Variants in LRRTM4 observed in about 807,000 individuals in gnomAD.
The protein encoded by LRRTM4 is leucine-rich repeat transmembrane neuronal protein 4.
LRRTM4 carries 25 observed loss-of-function variants against 47.6 expected under a neutral mutation model. The observed-to-expected ratio is 0.53, with a 90% CI of 0.38 to 0.73. The LOEUF (loss-of-function observed/expected upper bound fraction) is 0.73, where lower values mean the gene tolerates loss of function less well. Ranked by LOEUF, LRRTM4 falls within the 30% of genes least tolerant of loss-of-function variation. LRRTM4 has a pLI of 0.00. For missense variants in LRRTM4, 638 were observed against 713.4 expected, an observed-to-expected ratio of 0.89 and a Z score of 1.20; for synonymous variants, 311 against 269.5, an observed-to-expected ratio of 1.15 and a Z score of -1.51.
At chr2:77,468,946 A>C (rs551584131) in intron 3 of LRRTM4, among the ~76,000 whole-genome samples, 42 of 152,304 alleles carry the variant, frequency 2.8e-4, no homozygotes, top group African/African-American at 9.1e-4. Context: ...ACCTAATATG[A>C]TGTCCGTTTT....
intron 3 of LRRTM4, among the ~76,000 whole-genome samples, chr2:77,416,257 T>C (rs557082333): frequency 2.6e-5 from 4 of 152,212 alleles, no homozygotes; most frequent in South Asian, 4.1e-4. Context: ...CAGTAACTAA[T>C]AAACATTCAC....
chr2:77,209,067 C>T (rs1300242760), intron 3 of LRRTM4, among the ~76,000 whole-genome samples: 1 of 152,144 alleles, frequency 6.6e-6, no homozygotes, highest in Non-Finnish European at 1.5e-5. Flanking sequence ...GCTGTCCTAT[C>T]ACCAGCGCTC....
chr2:77,111,016 GAC>G (rs1381674898), intron 3 of LRRTM4, among the ~76,000 whole-genome samples: 1 of 152,166 alleles, frequency 6.6e-6, no homozygotes, highest in East Asian at 1.9e-4. Flanking sequence ...TGAGTTAGAA[GAC>G]ACAAAATTTA....
At chr2:76,779,793 A>G (rs1007056839) in intron 3 of LRRTM4, among the ~76,000 whole-genome samples, 1 of 152,096 alleles carries the variant, frequency 6.6e-6, no homozygotes, top group African/African-American at 2.4e-5. Flanking sequence ...TGTGAATTTG[A>G]TCTTATCATT....
chr2:77,043,720 A>G (rs1289906799), intron 3 of LRRTM4, among the ~76,000 whole-genome samples: 1 of 151,792 alleles, frequency 6.6e-6, no homozygotes, highest in African/African-American at 2.4e-5. Context: ...AATCGGGACT[A>G]GTCTAATAAT....
chr2:76,832,889 G>A (rs1400845), intron 3 of LRRTM4, among the ~76,000 whole-genome samples: 4 of 151,860 alleles, frequency 2.6e-5, no homozygotes, highest in Non-Finnish European at 5.9e-5. Context: ...ATGCTGACTC[G>A]TGTAACCCAG....
At chr2:76,755,989 A>C (rs961296997) in intron 3 of LRRTM4, among the ~76,000 whole-genome samples, 1 of 152,130 alleles carries the variant, frequency 6.6e-6, no homozygotes, top group Non-Finnish European at 1.5e-5. Flanking sequence ...TAATGTTAAA[A>C]AAGCTATCAT....
intron 3 of LRRTM4, among the ~76,000 whole-genome samples, chr2:77,469,453 T>A (rs1455793885): frequency 1.3e-5 from 2 of 152,030 alleles, no homozygotes; most frequent in Non-Finnish European, 2.9e-5. Flanking sequence ...AAAAATAAGC[T>A]CGCTGCTAAC....
chr2:76,965,608 T>A (rs1439998692), intron 3 of LRRTM4, among the ~76,000 whole-genome samples: 11 of 150,932 alleles, frequency 7.3e-5, no homozygotes, highest in African/African-American at 2.7e-4. Flanking sequence ...GTTTACAGGT[T>A]AAAAAAAACA....
At chr2:76,910,311 A>G (rs938364800) in intron 3 of LRRTM4, among the ~76,000 whole-genome samples, 2 of 133,328 alleles carry the variant, frequency 1.5e-5, no homozygotes, top group South Asian at 2.6e-4. Flanking sequence ...ACACATGGAC[A>G]CAGGAAGGGG....
At chr2:76,965,641 G>T (rs915969877) in intron 3 of LRRTM4, among the ~76,000 whole-genome samples, 2 of 151,232 alleles carry the variant, frequency 1.3e-5, no homozygotes, top group Non-Finnish European at 3.0e-5. Context: ...GACTTAGCCT[G>T]ATTTTAGCTG....
intron 3 of LRRTM4, among the ~76,000 whole-genome samples, chr2:76,812,798 C>CCTCCTCCTCTCCCTCCCCCCA (rs1558670824): frequency 3.0e-3 from 248 of 82,830 alleles, no homozygotes; most frequent in Non-Finnish European, 4.0e-3. Context: ...CCCTCCCCCC[C>CCTCCTCCTCTCCCTCCCCCCA]CTCCTCCTCC....
chr2:77,392,842 A>G (rs1673555856), intron 3 of LRRTM4, among the ~76,000 whole-genome samples: 1 of 152,074 alleles, frequency 6.6e-6, no homozygotes, highest in Non-Finnish European at 1.5e-5. Flanking sequence ...AGTACATTGT[A>G]TTGAAAACTG....
intron 3 of LRRTM4, among the ~76,000 whole-genome samples, chr2:77,056,619 A>C (rs544271805): frequency 2.6e-5 from 4 of 152,338 alleles, no homozygotes; most frequent in African/African-American, 4.8e-5. Context: ...TAGTACAGTA[A>C]AAGATGTGAA....
intron 3 of LRRTM4, among the ~76,000 whole-genome samples, chr2:77,087,908 T>C (rs1038603164): frequency 1.3e-5 from 2 of 152,184 alleles, no homozygotes; most frequent in African/African-American, 2.4e-5. Context: ...TGCAAATATA[T>C]GTCTTTGCCA....
chr2:77,095,349 C>T (rs1417486403), intron 3 of LRRTM4, among the ~76,000 whole-genome samples: 1 of 152,020 alleles, frequency 6.6e-6, no homozygotes, highest in Non-Finnish European at 1.5e-5. Flanking sequence ...TATGCAGGCT[C>T]CTCAAAACAC....
In LRRTM4 at chr2:77,007,800, T is replaced by C. The variant is rs1677713043; in HGVS notation, c.1552-258884A>G. Among the ~76,000 whole-genome samples the C allele has an allele frequency of 2.0e-5, 3 of 152,152 alleles. No homozygotes were observed. The South Asian group carries it at 6.2e-4, about 32-fold the overall frequency. On this transcript the variant is annotated intron_variant, in intron 3 of 3. Transcript: ENST00000409884. ...AGAGTTCTGTGAATAGAAAATTGGC[T>C]CTTTTCCTAATTACTCTCCTGGAAT... is the stretch of plus-strand genomic sequence containing the variant.
intron 3 of LRRTM4, among the ~76,000 whole-genome samples, chr2:77,274,428 A>C (rs10179301): frequency 0.16 from 23,697 of 152,004 alleles, 4,004 homozygotes; most frequent in African/African-American, 0.42. Context: ...TCACCTAACT[A>C]TCCATATCTC....
At chr2:76,979,880 CTTCTT>C (rs917223824) in intron 3 of LRRTM4, among the ~76,000 whole-genome samples, 2 of 151,874 alleles carry the variant, frequency 1.3e-5, no homozygotes, top group Non-Finnish European at 2.9e-5. Flanking sequence ...ACTATAATAA[CTTCTT>C]TTCTTCTCAC....
Sources: gnomAD v4.1 joint callset for allele counts (sites outside exome capture counted in the v4.1 genomes callset) on GRCh38, gnomAD v4.1.1 for gene constraint, MANE v1.5 for transcripts, NCBI Gene and HGNC (gene_info 2026-07-23, HGNC 2026-07-21) for gene names.